Variants in RIN2 observed in about 807,000 individuals in gnomAD.
RIN2 encodes the protein RAB5 interacting protein 2.
RIN2 carries 36 observed loss-of-function variants against 78.0 expected under a neutral mutation model. The observed-to-expected ratio is 0.46, with a 90% CI of 0.35 to 0.61. RIN2 has a LOEUF of 0.61. Among genes scored for constraint, RIN2 ranks in the 20% least tolerant of loss-of-function variants. The pLI, the probability that RIN2 is intolerant of heterozygous loss-of-function variation, is 0.00. For missense variants in RIN2, 1,087 were observed against 1,159.7 expected, an observed-to-expected ratio of 0.94 and a Z score of 0.91; for synonymous variants, 466 against 466.8, an observed-to-expected ratio of 1.00 and a Z score of 0.02.
At chr20:19,893,289 T>C (rs993084963) in intron 3 of RIN2, among the ~76,000 whole-genome samples, 5 of 152,198 alleles carry the variant, frequency 3.3e-5, no homozygotes, top group Non-Finnish European at 5.9e-5. Context: ...AGTGATGCCA[T>C]ACAATTGGAG....
intron 2 of RIN2, among the ~76,000 whole-genome samples, chr20:19,819,365 C>T (rs938129973): frequency 1.3e-5 from 2 of 152,158 alleles, no homozygotes; most frequent in Non-Finnish European, 2.9e-5. Context: ...AAGCACCCCA[C>T]CCTCATGACC....
chr20:19,851,960 T>C (rs898904869), intron 2 of RIN2, among the ~76,000 whole-genome samples: 4 of 152,110 alleles, frequency 2.6e-5, no homozygotes, highest in African/African-American at 7.2e-5. Context: ...TCATCTGGGC[T>C]CAACTAGGCT....
rs2037154283 is a variant in RIN2 at position 19,856,016 on chromosome 20, G to A, written c.-36-33550G>A. ...TTGAACCTGAGAGGCGGAGGTTGCA[G>A]TGAGCAGAGATCGCACCATTGCGCT... is the stretch of plus-strand genomic sequence containing the variant. On this transcript the variant is annotated intron_variant, in intron 2 of 12. Coordinates refer to ENST00000255006, the MANE Select transcript of RIN2 (RefSeq NM_018993.4). 2.0e-5 allele frequency among the ~76,000 whole-genome samples: 3 copies of A among 152,160 alleles called. No individual in the cohort carries two copies. The South Asian group carries it at 6.2e-4, about 32-fold the overall frequency.
chr20:19,855,489 C>T (rs1380425432), intron 2 of RIN2, among the ~76,000 whole-genome samples: 4 of 152,076 alleles, frequency 2.6e-5, no homozygotes. Flanking sequence ...TGGTAGAATT[C>T]AGTTGTGAAT....
intron 3 of RIN2, among the ~76,000 whole-genome samples, chr20:19,900,945 CAAAAAAAAAAAAAAAA>C (rs869239642): frequency 0.017 from 506 of 29,628 alleles, 10 homozygotes; most frequent in African/African-American, 0.036. Context: ...AGCTCTGTCT[CAAAAAAAAAAAAAAAA>C]AAAAAAAAAA....
chr20:19,795,547 G>A (rs1343850593), intron 1 of RIN2, among the ~76,000 whole-genome samples: 1 of 152,134 alleles, frequency 6.6e-6, no homozygotes, highest in African/African-American at 2.4e-5. Flanking sequence ...TTGCCCGTGA[G>A]ATAAGGGTGT....
chr20:19,833,510 T>G (rs893510172), intron 2 of RIN2, among the ~76,000 whole-genome samples: 5 of 152,210 alleles, frequency 3.3e-5, no homozygotes, highest in African/African-American at 1.2e-4. Context: ...CAAATGTCCC[T>G]TGGTGTTCAG....
intron 5 of RIN2, among the ~76,000 whole-genome samples, chr20:19,958,355 T>C (rs1285918172): frequency 1.3e-5 from 2 of 152,238 alleles, no homozygotes; most frequent in Non-Finnish European, 2.9e-5. Context: ...CTGCAAAACA[T>C]TCCAAAGACA....
At chr20:19,813,844 T>C (rs536600453) in intron 2 of RIN2, among the ~76,000 whole-genome samples, 1 of 152,170 alleles carries the variant, frequency 6.6e-6, no homozygotes, top group Admixed American at 6.5e-5. Flanking sequence ...AAAGTTCAAC[T>C]GGAAAATAAT....
intron 4 of RIN2, 62 bp downstream of exon 4, chr20:19,935,261 C>A (rs2040593722): frequency 2.8e-6 from 4 of 1,429,228 alleles, no homozygotes; most frequent in Admixed American, 2.1e-5. Context: ...CCTGGCACTG[C>A]CAAGGGCTGA....
At chr20:19,770,879 C>A (rs965988517) in intron 1 of RIN2, among the ~76,000 whole-genome samples, 21 of 140,598 alleles carry the variant, frequency 1.5e-4, no homozygotes, top group East Asian at 4.5e-4. Flanking sequence ...CCCCACCCCC[C>A]CCCCCCACCT....
intron 1 of RIN2, among the ~76,000 whole-genome samples, chr20:19,778,260 T>C (rs2034380680): frequency 6.6e-6 from 1 of 152,164 alleles, no homozygotes; most frequent in Non-Finnish European, 1.5e-5. Flanking sequence ...GACTCAGAAT[T>C]TGAGATAACA....
intron 8 of RIN2, among the ~76,000 whole-genome samples, chr20:19,974,125 G>A (rs140741678): frequency 1.9e-3 from 294 of 152,284 alleles, no homozygotes; most frequent in African/African-American, 6.7e-3. Flanking sequence ...TGCTGAATGT[G>A]TAAAACCCTA....
intron 1 of RIN2, among the ~76,000 whole-genome samples, chr20:19,796,301 G>GT (rs2035053571): frequency 6.6e-6 from 1 of 152,164 alleles, no homozygotes; most frequent in Non-Finnish European, 1.5e-5. Flanking sequence ...AATCCAGTAT[G>GT]TTTTTATATC....
Position 19,878,264 on chromosome 20 carries a change from A to C in RIN2, c.-36-11302A>C, listed in dbSNP as rs150099986. Among the ~76,000 whole-genome samples the C allele has an allele frequency of 2.9e-3, 438 of 152,198 alleles. 9 individuals are homozygous for C. Among genetic ancestry groups the C allele is most frequent in the African/African-American group, 0.01 (425 of 41,532 alleles). On this transcript the variant is annotated intron_variant, in intron 2 of 12. Transcript: ENST00000255006. ...CTGGAATCTCTTCCCGCGTGGCCCA[A>C]GCCTGCTTCCACTGCTTGGCAGGAT...
At chr20:19,976,521 T>G (rs1372786673) in intron 9 of RIN2, among the ~76,000 whole-genome samples, 1 of 152,214 alleles carries the variant, frequency 6.6e-6, no homozygotes, top group Non-Finnish European at 1.5e-5. Flanking sequence ...GGGAAATTCT[T>G]TCTTTATAAT....
chr20:19,922,251 C>A lies in RIN2; in HGVS notation c.58-12848C>A, dbSNP rs553188499. Among the ~76,000 whole-genome samples the A allele has an allele frequency of 1.9e-4, 29 of 152,272 alleles. No homozygotes were observed. In the South Asian group the frequency reaches 5.4e-3, roughly 28 times the overall value. On this transcript the variant is annotated intron_variant, in intron 3 of 12. Transcript: ENST00000255006. ...GGAGTGGGGAGCTAGGATATTTACA[C>A]CCCAACACCCAGCTTCACTGGTCAA...
chr20:19,969,733 T>A (rs1044199349), intron 7 of RIN2, among the ~76,000 whole-genome samples: 1 of 152,084 alleles, frequency 6.6e-6, no homozygotes, highest in Non-Finnish European at 1.5e-5. Context: ...AATGAATAAT[T>A]ATTTCTTTGT....
intron 1 of RIN2, among the ~76,000 whole-genome samples, chr20:19,796,027 C>CT (rs1226285403): frequency 6.9e-6 from 1 of 144,382 alleles, no homozygotes; most frequent in Non-Finnish European, 1.5e-5. Flanking sequence ...ATGAAGCTGT[C>CT]TAAAAAAAAA....
Sources: gnomAD v4.1 joint callset for allele counts (sites outside exome capture counted in the v4.1 genomes callset) on GRCh38, gnomAD v4.1.1 for gene constraint, MANE v1.5 for transcripts, NCBI Gene and HGNC (gene_info 2026-07-23, HGNC 2026-07-21) for gene names.